The following ZPBP variants were observed in gnomAD, a reference collection of about 807,000 sequenced individuals.
The protein encoded by ZPBP is zona pellucida binding protein.
Under a neutral mutation model 44.8 loss-of-function variants are expected in ZPBP, and 26 were observed. The observed-to-expected ratio is 0.58, with a 90% CI of 0.43 to 0.81. ZPBP has a LOEUF of 0.81. Ranked by LOEUF, ZPBP falls within the 30% of genes least tolerant of loss-of-function variation. The probability of loss-of-function intolerance (pLI) is 0.00; values close to 1 mark genes in which losing one functional copy is unlikely to be tolerated. For missense variants in ZPBP, 409 were observed against 434.0 expected, an observed-to-expected ratio of 0.94 and a Z score of 0.51; for synonymous variants, 174 against 153.2, an observed-to-expected ratio of 1.14 and a Z score of -1.00.
chr7:49,932,082 A>T (rs556350388), intron 1 of ZPBP, among the ~76,000 whole-genome samples: 1 of 152,362 alleles, frequency 6.6e-6, no homozygotes, highest in East Asian at 1.9e-4. Context: ...CTGGATGTCC[A>T]GGCAGAGGTG....
intron 1 of ZPBP, chr7:49,915,411 A>G (rs1443668799): frequency 6.6e-6 from 1 of 152,208 alleles, no homozygotes; most frequent in Admixed American, 6.5e-5. Context: ...AAAACATGCT[A>G]AGAAGAATTA....
chr7:49,889,592 T>A (rs768853491), intron 2 of ZPBP, among the ~76,000 whole-genome samples: 1 of 152,198 alleles, frequency 6.6e-6, no homozygotes, highest in Non-Finnish European at 1.5e-5. Context: ...TACAGGGTGA[T>A]GACCTAGTCA....
At chr7:49,856,081 G>A (rs1344820303) in intron 2 of ZPBP, among the ~76,000 whole-genome samples, 1 of 152,170 alleles carries the variant, frequency 6.6e-6, no homozygotes. Flanking sequence ...TCTGTCCCCG[G>A]AAACACCACC....
intron 7 of ZPBP, among the ~76,000 whole-genome samples, chr7:49,979,238 C>G (rs1206504038): frequency 6.6e-6 from 1 of 151,352 alleles, no homozygotes; most frequent in Non-Finnish European, 1.5e-5. Context: ...TACATTGAAC[C>G]CTTGTGATCT....
At chr7:49,862,410 C>A (rs537503116) in intron 2 of ZPBP, among the ~76,000 whole-genome samples, 1 of 152,084 alleles carries the variant, frequency 6.6e-6, no homozygotes, top group African/African-American at 2.4e-5. Context: ...TCATACTAAC[C>A]GTGAATAGAG....
chr7:49,938,693 G>T (rs536235580), intron 7 of ZPBP, among the ~76,000 whole-genome samples: 2 of 152,280 alleles, frequency 1.3e-5, no homozygotes, highest in African/African-American at 4.8e-5. Context: ...TTGGGCTGGG[G>T]TCTTTGATTA....
At chr7:49,884,048 C>T (rs1020178346) in intron 2 of ZPBP, among the ~76,000 whole-genome samples, 1 of 152,202 alleles carries the variant, frequency 6.6e-6, no homozygotes, top group Non-Finnish European at 1.5e-5. Context: ...CTCCCAGGAC[C>T]TTGGGGCATC....
intron 4 of ZPBP, among the ~76,000 whole-genome samples, chr7:50,057,741 C>T (rs1436933493): frequency 6.6e-6 from 1 of 152,216 alleles, no homozygotes; most frequent in Non-Finnish European, 1.5e-5. Flanking sequence ...TTATACATCC[C>T]TGGCCCTAAA....
intron 1 of ZPBP, chr7:49,914,723 T>C (rs181045098): frequency 1.3e-5 from 2 of 152,328 alleles, no homozygotes; most frequent in Admixed American, 1.3e-4. Flanking sequence ...CAGAGAACTC[T>C]TTGCTGAGAT....
At chr7:49,938,573 T>C (rs1441109850) in intron 7 of ZPBP, among the ~76,000 whole-genome samples, 2 of 151,704 alleles carry the variant, frequency 1.3e-5, no homozygotes, top group Admixed American at 6.7e-5. Context: ...CAGTGTATCA[T>C]AGGCACTCAA....
intron 7 of ZPBP, among the ~76,000 whole-genome samples, chr7:49,948,923 G>C (rs549602045): frequency 6.6e-6 from 1 of 152,220 alleles, no homozygotes; most frequent in South Asian, 2.1e-4. Context: ...ATGCATTATG[G>C]ACTTAACGTT....
chr7:50,045,629 G>A (rs1800315839), intron 4 of ZPBP, among the ~76,000 whole-genome samples: 1 of 152,138 alleles, frequency 6.6e-6, no homozygotes. Context: ...ACAAACCACT[G>A]CTCAAGGAAA....
At chr7:49,956,805 T>C (rs867219874) in intron 7 of ZPBP, among the ~76,000 whole-genome samples, 12 of 152,234 alleles carry the variant, frequency 7.9e-5, no homozygotes, top group Middle Eastern at 3.4e-3. Flanking sequence ...AAACTTCATA[T>C]GGAAAAGCAA....
At chr7:49,871,908 AACACACACACACACAC>A (rs72332840) in intron 2 of ZPBP, among the ~76,000 whole-genome samples, 1,218 of 87,914 alleles carry the variant, frequency 0.014, 41 homozygotes, top group African/African-American at 0.051. Flanking sequence ...TGTGTATATA[AACACACACACACACAC>A]ACACACACAC....
intron 7 of ZPBP, among the ~76,000 whole-genome samples, chr7:49,957,094 T>C (rs1382047314): frequency 1.3e-5 from 2 of 152,146 alleles, no homozygotes; most frequent in Non-Finnish European, 2.9e-5. Flanking sequence ...TTGTCTCTGT[T>C]TCTCTCTCTG....
intron 2 of ZPBP, among the ~76,000 whole-genome samples, chr7:49,855,370 T>G (rs1184798184): frequency 6.6e-6 from 1 of 152,108 alleles, no homozygotes; most frequent in Non-Finnish European, 1.5e-5. Context: ...TGCCTGGCAT[T>G]AGGTGGTATA....
At chr7:49,925,251 T>G (rs538794828) in intron 1 of ZPBP, among the ~76,000 whole-genome samples, 1 of 152,328 alleles carries the variant, frequency 6.6e-6, no homozygotes, top group Admixed American at 6.5e-5. Flanking sequence ...AGATATAGTA[T>G]GCACACACAC....
intron 4 of ZPBP, among the ~76,000 whole-genome samples, chr7:50,049,907 A>T (rs1285555268): frequency 6.6e-6 from 1 of 152,054 alleles, no homozygotes; most frequent in Non-Finnish European, 1.5e-5. Flanking sequence ...ATCTACCAAA[A>T]TCTAAAAATC....
chr7:49,848,219 A>G (rs28370344), downstream of ZPBP, among the ~76,000 whole-genome samples: 690 of 152,292 alleles, frequency 4.5e-3, 4 homozygotes, highest in African/African-American at 0.016. Flanking sequence ...TTATGCTGCA[A>G]GTGTCTTTGG....
Sources: allele counts gnomAD v4.1 joint callset (sites outside exome capture counted in the v4.1 genomes callset), GRCh38; gene constraint gnomAD v4.1.1; transcripts MANE v1.5; gene names NCBI Gene and HGNC (gene_info 2026-07-23, HGNC 2026-07-21).